Variants in SPNS2 observed in about 807,000 individuals in gnomAD.
SPNS2 encodes SPNS lysolipid transporter 2, sphingosine-1-phosphate.
In SPNS2, 37 loss-of-function variants were observed where a neutral mutation model predicts 57.6. That is an observed-to-expected ratio of 0.64 (90% CI 0.49 to 0.85). The LOEUF is 0.85. SPNS2 is among the 40% of genes least tolerant of loss of function. SPNS2 has a pLI of 0.00. For missense variants in SPNS2, 831 were observed against 779.1 expected (o/e 1.07, Z -0.79); for synonymous variants, 440 against 346.9 (o/e 1.27, Z -2.98).
chr17:4,526,190 C>T (rs1745343037), intron 3 of SPNS2, among the ~76,000 whole-genome samples: 5 of 152,152 alleles, frequency 3.3e-5, no homozygotes, highest in Admixed American at 3.3e-4. Flanking sequence ...GGGAGGGCTT[C>T]CTGGAGGAGG....
In SPNS2 at chr17:4,499,451, G is replaced by C; in HGVS notation, c.370+34G>C. On this transcript the variant is annotated intron_variant, in intron 1 of 12. Transcript: ENST00000329078. This position sits in a 1 kb window ranked among gnomAD's most constrained non-coding sequence, Gnocchi z 5.2. ...GTGCCCCACCCAGCCCGAGGACCAA[G>C]ACCCCACCCCATCCCACCACCCGCC... 1.3e-5 allele frequency: 16 copies of C among 1,264,598 alleles called. No homozygotes were observed. Among genetic ancestry groups the C allele is most frequent in the Non-Finnish European group, 1.6e-5 (16 of 989,388 alleles). 78.3% of individuals were successfully genotyped at this position (1,264,598 alleles called of 1,614,324 possible).
intron 1 of SPNS2, among the ~76,000 whole-genome samples, chr17:4,506,730 C>A (rs1304609901): frequency 1.3e-5 from 2 of 152,082 alleles, no homozygotes; most frequent in African/African-American, 4.8e-5. Context: ...GGGGCCAAGG[C>A]TCTGGGCTGG....
intron 5 of SPNS2, 66 bp from the exon 6 acceptor site, chr17:4,532,476 C>G (rs1905530533): frequency 6.2e-7 from 1 of 1,610,906 alleles, no homozygotes; most frequent in African/African-American, 1.3e-5. Context: ...TTGCCTGAGT[C>G]CCTCCTTCTG....
chr17:4,535,897 G>T (rs1219601057), intron 9 of SPNS2, among the ~76,000 whole-genome samples, 179 bp from the exon 10 acceptor site: 1 of 152,020 alleles, frequency 6.6e-6, no homozygotes, highest in Non-Finnish European at 1.5e-5. Context: ...CAGGCTGGTG[G>T]GGTGGGCAGT....
chr17:4,499,017 C>T lies in SPNS2; in HGVS notation c.-31C>T, dbSNP rs909713501. On this transcript the variant is annotated 5_prime_UTR_variant, in exon 1 of 13. Coordinates refer to ENST00000329078, the MANE Select transcript of SPNS2 (RefSeq NM_001124758.3). The surrounding 1 kb of genome is among the most constrained non-coding windows in gnomAD (Gnocchi z 5.2). ...GGCCCAGCCTGGGCCCCGCGCCCCC[C>T]GCGCCCCCCGCCGCCCCGATCCGGG... 1.0e-6 allele frequency: 1 copy of T among 995,468 alleles called. No individual in the cohort carries two copies. The highest frequency in any genetic ancestry group is 1.2e-6 in the Non-Finnish European group (1 of 837,726). The allele number at this position is 995,468 out of a possible 1,614,324, so 61.7% of individuals were successfully genotyped here.
In SPNS2 at chr17:4,511,392, A is replaced by G. The variant is rs1443759847; in HGVS notation, c.371-1855A>G. On this transcript the variant is annotated intron_variant, in intron 1 of 12. Coordinates refer to ENST00000329078, the MANE Select transcript of SPNS2 (RefSeq NM_001124758.3). This position sits in a 1 kb window ranked among gnomAD's most constrained non-coding sequence, Gnocchi z 4.6. Reference sequence around the variant, plus strand: ...GGGCCATGAGTAGTTTGGGGTGGCTAGTGGAGGGGTGGTGTCCTGAGAAGT... The same window carrying G: ...GGGCCATGAGTAGTTTGGGGTGGCTGGTGGAGGGGTGGTGTCCTGAGAAGT... 1.3e-5 allele frequency among the ~76,000 whole-genome samples: 2 copies of G among 152,152 alleles called. No homozygotes were observed. Among genetic ancestry groups the G allele is most frequent in the African/African-American group, 4.8e-5 (2 of 41,442 alleles).
In SPNS2 at chr17:4,538,199, C is replaced by G. The variant is rs1244038347; in HGVS notation, c.*751C>G. 8.3e-6 allele frequency: 2 copies of G among 240,996 alleles called. No homozygotes were observed. Among genetic ancestry groups the G allele is most frequent in the African/African-American group, 4.5e-5 (2 of 44,798 alleles). The allele number at this position is 240,996 out of a possible 1,614,324, so 14.9% of individuals were successfully genotyped here. ...GTGCCCCCAGGCTCAAGGTCTCTGGCAGGTGCACACCAGCCCAACTCTGCA... is the reference window on the plus strand; with the variant it reads ...GTGCCCCCAGGCTCAAGGTCTCTGGGAGGTGCACACCAGCCCAACTCTGCA... On this transcript the variant is annotated 3_prime_UTR_variant, in exon 13 of 13. Transcript: ENST00000329078.
At position 4,499,549 on chromosome 17, in the gene SPNS2, A is replaced by T; in HGVS notation, c.370+132A>T. The T allele has an allele frequency of 1.9e-6, 1 of 527,658 alleles. No homozygotes were observed. Among genetic ancestry groups the T allele is most frequent in the Non-Finnish European group, 3.0e-6 (1 of 329,076 alleles). 32.7% of individuals were successfully genotyped at this position (527,658 alleles called of 1,614,324 possible). A position where few individuals can be genotyped will look rare whatever the true frequency, so the allele number is the denominator to read the frequency against. ...CAGGCCCTACGTGAGGTCCCTACGGACCCTCTGCTCAGGCACAACTGGGCA... is the reference window on the plus strand; with the variant it reads ...CAGGCCCTACGTGAGGTCCCTACGGTCCCTCTGCTCAGGCACAACTGGGCA... On this transcript the variant is annotated intron_variant, in intron 1 of 12. Coordinates refer to ENST00000329078, the MANE Select transcript of SPNS2 (RefSeq NM_001124758.3). This position sits in a 1 kb window ranked among gnomAD's most constrained non-coding sequence, Gnocchi z 5.2.
Position 4,532,528 on chromosome 17 carries a change from C to G in SPNS2, c.793-14C>G, listed in dbSNP as rs1905534845. 2 of 1,614,168 alleles carry G rather than the reference C, an allele frequency of 1.2e-6. No homozygotes were observed. Among genetic ancestry groups the G allele is most frequent in the Non-Finnish European group, 1.7e-6 (2 of 1,180,036 alleles). ...CACTGGGCCCTGGTGTCCTAACTTCCTGCTCTCTGGCAGGTGTCCCCTGTC... is the reference window on the plus strand; with the variant it reads ...CACTGGGCCCTGGTGTCCTAACTTCGTGCTCTCTGGCAGGTGTCCCCTGTC... On this transcript the variant is annotated splice_polypyrimidine_tract_variant and intron_variant, in intron 5 of 12. Coordinates refer to ENST00000329078, the MANE Select transcript of SPNS2 (RefSeq NM_001124758.3).
chr17:4,532,655 G>C lies in SPNS2; in HGVS notation c.906G>C (p.Trp302Cys), dbSNP rs1905545130. 1.9e-6 allele frequency: 3 copies of C among 1,613,894 alleles called. No individual in the cohort carries two copies. The South Asian group carries it at 3.3e-5, about 18-fold the overall frequency. ...ACCAGCTCAAGGCCCGGACCTCATG[G>C]CTCCGAGATATGAAGGCCCTGATTC... Reference protein sequence around the residue: ...LGDQLKARTSWLRDMKALIRN... With the variant: ...LGDQLKARTSCLRDMKALIRN... Residue 302 changes from tryptophan (W) to cysteine (C), a missense_variant, in exon 6 of 13, where the codon TGG becomes TGC. This residue lies in a region of SPNS2 where 526 missense variants were observed against 400.9 expected (regional missense o/e 1.31). Transcript: ENST00000329078.
At chr17:4,532,043 T>A (rs2144364780) in intron 5 of SPNS2, among the ~76,000 whole-genome samples, 1 of 152,206 alleles carries the variant, frequency 6.6e-6, no homozygotes, top group East Asian at 1.9e-4. Context: ...CTCCAGGAAT[T>A]TTCTCCTCCC....
intron 2 of SPNS2, among the ~76,000 whole-genome samples, chr17:4,514,178 G>C (rs1479097624): frequency 6.6e-6 from 1 of 152,248 alleles, no homozygotes; most frequent in Non-Finnish European, 1.5e-5. Context: ...CTCAGGGCTT[G>C]GGGCGGGAGG....
chr17:4,500,333 G>A (rs920134784), intron 1 of SPNS2, among the ~76,000 whole-genome samples: 9 of 152,250 alleles, frequency 5.9e-5, no homozygotes, highest in African/African-American at 2.2e-4. Context: ...GGCCTTTGGG[G>A]GACGCACGTG....
intron 1 of SPNS2, among the ~76,000 whole-genome samples, chr17:4,507,349 C>T (rs1034176085): frequency 1.3e-5 from 2 of 152,240 alleles, no homozygotes; most frequent in African/African-American, 4.8e-5. Flanking sequence ...TAAAAGAAAA[C>T]CAAGGTGGGA....
chr17:4,535,884 A>T (rs1905756888), intron 9 of SPNS2, among the ~76,000 whole-genome samples, 192 bp from the exon 10 acceptor site: 1 of 147,864 alleles, frequency 6.8e-6, no homozygotes, highest in Non-Finnish European at 1.5e-5. Context: ...GGAGAGAAGC[A>T]GCCAGGCTGG....
In SPNS2 at chr17:4,538,922, G is replaced by T. The variant is rs202098334; in HGVS notation, c.*1474G>T. On this transcript the variant is annotated 3_prime_UTR_variant, in exon 13 of 13. Transcript: ENST00000329078. ...CCGAGTGTTGCCTCCTCTTCCTTCC[G>T]GAAGCCAAACTGCTCCTTTATTTTT... 1 of 782,390 alleles carries T rather than the reference G, an allele frequency of 1.3e-6. No individual in the cohort carries two copies. The highest frequency in any genetic ancestry group is 2.4e-6 in the Non-Finnish European group (1 of 419,448). The allele number at this position is 782,390 out of a possible 1,614,324, so 48.5% of individuals were successfully genotyped here. A position where few individuals can be genotyped will look rare whatever the true frequency, so the allele number is the denominator to read the frequency against.
chr17:4,505,685 C>T (rs1028208876), intron 1 of SPNS2, among the ~76,000 whole-genome samples: 5 of 152,200 alleles, frequency 3.3e-5, no homozygotes, highest in Non-Finnish European at 7.3e-5. Flanking sequence ...GGGCCTGGTC[C>T]TCGCCTGGTG....
At chr17:4,504,463 C>T (rs969159365) in intron 1 of SPNS2, among the ~76,000 whole-genome samples, 6 of 152,162 alleles carry the variant, frequency 3.9e-5, no homozygotes, top group East Asian at 1.9e-4. Context: ...GGCCCTGGAC[C>T]GGTGATGGGC....
chr17:4,538,868 G>A lies in SPNS2; in HGVS notation c.*1420G>A, dbSNP rs370379631. ...ACTCCAGCCTCAGCGGGGCCCCAGC[G>A]ATGTTTTCTTGTTGTACAAGAACCA... On this transcript the variant is annotated 3_prime_UTR_variant, in exon 13 of 13. Coordinates refer to ENST00000329078, the MANE Select transcript of SPNS2 (RefSeq NM_001124758.3). 94 of 780,924 alleles carry A rather than the reference G, an allele frequency of 1.2e-4. No homozygotes were observed. The highest frequency in any genetic ancestry group is 3.4e-4 in the East Asian group (14 of 41,240). The allele number at this position is 780,924 out of a possible 1,614,324, so 48.4% of individuals were successfully genotyped here. A position where few individuals can be genotyped will look rare whatever the true frequency, so the allele number is the denominator to read the frequency against.
Sources: allele counts gnomAD v4.1 joint callset (sites outside exome capture counted in the v4.1 genomes callset), GRCh38; gene constraint gnomAD v4.1.1; regional missense constraint gnomAD v4.1.1; non-coding constraint Gnocchi (gnomAD v3.1); transcripts MANE v1.5; gene names NCBI Gene and HGNC (gene_info 2026-07-23, HGNC 2026-07-21).